PDLIM5: variants seen among roughly 807,000 people sequenced by gnomAD.
PDLIM5 encodes the protein PDZ and LIM domain protein 5.
A neutral mutation model predicts 64.2 loss-of-function variants in PDLIM5; 34 were observed. The ratio of observed to expected loss-of-function variants is 0.53; its 90% CI spans 0.40 to 0.71. PDLIM5 has a LOEUF of 0.71. Ranked by LOEUF, PDLIM5 falls within the 30% of genes least tolerant of loss-of-function variation. The probability of loss-of-function intolerance (pLI) is 0.00; values close to 1 mark genes in which losing one functional copy is unlikely to be tolerated. For missense variants in PDLIM5, 683 were observed against 733.6 expected (o/e 0.93, Z 0.80); for synonymous variants, 253 against 269.1 (o/e 0.94, Z 0.59).
intron 5 of PDLIM5, chr4:94,584,282 T>C (rs1735980287): frequency 6.6e-6 from 1 of 152,228 alleles, no homozygotes; most frequent in Non-Finnish European, 1.5e-5. Flanking sequence ...AAATTTGCAT[T>C]TGCCCTGTTT....
chr4:94,567,456 T>G, intron 3 of PDLIM5, among the ~76,000 whole-genome samples: 1 of 152,238 alleles, frequency 6.6e-6, no homozygotes, highest in Admixed American at 6.5e-5. Flanking sequence ...AAGTAATTAC[T>G]TACCATTGGA....
intron 6 of PDLIM5, among the ~76,000 whole-genome samples, chr4:94,586,131 C>T (rs1736176757): frequency 6.6e-6 from 1 of 152,100 alleles, no homozygotes; most frequent in Non-Finnish European, 1.5e-5. Flanking sequence ...GATCACGCCA[C>T]TGTACTCCAG....
chr4:94,548,710 A>C (rs968978414), intron 3 of PDLIM5, among the ~76,000 whole-genome samples: 1 of 152,144 alleles, frequency 6.6e-6, no homozygotes, highest in Non-Finnish European at 1.5e-5. Flanking sequence ...GAATTCATCT[A>C]ATCTTCTTTA....
intron 3 of PDLIM5, among the ~76,000 whole-genome samples, chr4:94,568,373 A>G (rs1171380151): frequency 2.0e-5 from 3 of 152,026 alleles, no homozygotes; most frequent in Non-Finnish European, 2.9e-5. Context: ...ATTTCTTAAC[A>G]GTGGGACATA....
intron 3 of PDLIM5, among the ~76,000 whole-genome samples, chr4:94,570,938 T>C (rs1269722856): frequency 2.0e-5 from 3 of 152,174 alleles, no homozygotes; most frequent in Non-Finnish European, 4.4e-5. Flanking sequence ...ATGTGCATAA[T>C]CTTTATCATT....
chr4:94,662,358 A>G lies in PDLIM5; in HGVS notation c.1586-64A>G. ...AATCCTGATTTTGTTGCTGCCTTCT[A>G]GGAACGATCATTCTAAAACTTCATC... On this transcript the variant is annotated intron_variant, in intron 11 of 12. Coordinates refer to ENST00000317968, the MANE Select transcript of PDLIM5 (RefSeq NM_006457.5). 9.1e-6 allele frequency: 7 copies of G among 766,098 alleles called. No homozygotes were observed. The South Asian group carries it at 1.2e-4, about 13-fold the overall frequency. 47.5% of individuals were successfully genotyped at this position (766,098 alleles called of 1,614,324 possible).
At chr4:94,506,171 G>C (rs1016182487) in intron 2 of PDLIM5, among the ~76,000 whole-genome samples, 1 of 152,230 alleles carries the variant, frequency 6.6e-6, no homozygotes, top group African/African-American at 2.4e-5. Flanking sequence ...TCAGCCAAGT[G>C]TGGGAAGTAC....
chr4:94,658,813 C>T (rs1034071323), intron 11 of PDLIM5, among the ~76,000 whole-genome samples: 7 of 152,238 alleles, frequency 4.6e-5, no homozygotes, highest in Non-Finnish European at 1.0e-4. Context: ...AGGTTGGCCA[C>T]AAGCTGCCTT....
intron 7 of PDLIM5, chr4:94,586,845 G>T: frequency 1.4e-6 from 1 of 702,386 alleles, no homozygotes; most frequent in South Asian, 2.2e-5. Context: ...TAAAATTTTT[G>T]CCACTTAATA....
intron 9 of PDLIM5, among the ~76,000 whole-genome samples, chr4:94,645,908 T>C (rs1741375154): frequency 6.6e-6 from 1 of 152,200 alleles, no homozygotes; most frequent in Non-Finnish European, 1.5e-5. Flanking sequence ...TCGTAGTGTT[T>C]GAATGAGAAA....
At chr4:94,555,092 GC>G in intron 3 of PDLIM5, among the ~76,000 whole-genome samples, 1 of 152,060 alleles carries the variant, frequency 6.6e-6, no homozygotes, top group Non-Finnish European at 1.5e-5. Flanking sequence ...TCACTCTGTT[GC>G]CCCAGCTGGA....
intron 7 of PDLIM5, among the ~76,000 whole-genome samples, chr4:94,611,753 T>C (rs1032360156): frequency 2.6e-5 from 4 of 152,182 alleles, no homozygotes; most frequent in African/African-American, 9.7e-5. Flanking sequence ...ATCACAAGTG[T>C]TTACTAAAGA....
At chr4:94,491,859 T>G (rs979348737) in intron 2 of PDLIM5, among the ~76,000 whole-genome samples, 1 of 152,122 alleles carries the variant, frequency 6.6e-6, no homozygotes, top group Non-Finnish European at 1.5e-5. Flanking sequence ...TAATGCAATC[T>G]AATGCATATC....
chr4:94,554,645 G>A (rs1733105177), intron 3 of PDLIM5, among the ~76,000 whole-genome samples: 1 of 152,156 alleles, frequency 6.6e-6, no homozygotes, highest in African/African-American at 2.4e-5. Flanking sequence ...TTTGACAAAT[G>A]CATATGATAT....
Position 94,556,043 on chromosome 4 carries a change from T to C in PDLIM5, c.249-17308T>C, listed in dbSNP as rs547866132. On this transcript the variant is annotated intron_variant, in intron 3 of 12. Transcript: ENST00000317968. Reference sequence around the variant, plus strand: ...TTACATTAGGTATATCTCCTAATGCTATCCCTCCCGCCTCCCCCCACCCCA... The same window carrying C: ...TTACATTAGGTATATCTCCTAATGCCATCCCTCCCGCCTCCCCCCACCCCA... Among the ~76,000 whole-genome samples the C allele has an allele frequency of 1.9e-3, 283 of 151,590 alleles. 1 individual carries two copies. Among genetic ancestry groups the C allele is most frequent in the African/African-American group, 6.2e-3 (255 of 41,262 alleles).
intron 9 of PDLIM5, among the ~76,000 whole-genome samples, chr4:94,649,411 T>C (rs1280661504): frequency 1.3e-5 from 2 of 152,222 alleles, no homozygotes; most frequent in Admixed American, 1.3e-4. Flanking sequence ...AGAGTGTTCC[T>C]GGTCACCTAT....
At chr4:94,528,279 A>T (rs1189783780) in intron 3 of PDLIM5, among the ~76,000 whole-genome samples, 1 of 151,748 alleles carries the variant, frequency 6.6e-6, no homozygotes, top group Non-Finnish European at 1.5e-5. Flanking sequence ...ATCGCACCTC[A>T]CTCCTTTTTC....
At chr4:94,598,765 A>G (rs1274951016) in intron 7 of PDLIM5, among the ~76,000 whole-genome samples, 3 of 152,262 alleles carry the variant, frequency 2.0e-5, no homozygotes, top group African/African-American at 4.8e-5. Context: ...GTAATATAGT[A>G]CAACATGAAT....
intron 2 of PDLIM5, among the ~76,000 whole-genome samples, chr4:94,459,904 T>G (rs1241398411): frequency 6.6e-6 from 1 of 152,230 alleles, no homozygotes; most frequent in African/African-American, 2.4e-5. Flanking sequence ...AAGCTGTGAA[T>G]GTAGTTGAGC....
Sources: allele counts gnomAD v4.1 joint callset (sites outside exome capture counted in the v4.1 genomes callset), GRCh38; gene constraint gnomAD v4.1.1; transcripts MANE v1.5; gene names NCBI Gene and HGNC (gene_info 2026-07-23, HGNC 2026-07-21).